The following ADAM19 variants were observed in gnomAD, a reference collection of about 807,000 sequenced individuals.
ADAM19 encodes disintegrin and metalloproteinase domain-containing protein 19.
In ADAM19, 65 loss-of-function variants were observed where a neutral mutation model predicts 114.7. The observed-to-expected ratio is 0.57, with a 90% CI of 0.46 to 0.70. ADAM19 has a LOEUF of 0.70. ADAM19 is among the 30% of genes least tolerant of loss of function. The pLI is 0.00. For synonymous variants in ADAM19, 466 were observed against 460.5 expected (o/e 1.01, Z -0.15); for missense variants, 1,063 against 1,204.7 (o/e 0.88, Z 1.74).
intron 3 of ADAM19, among the ~76,000 whole-genome samples, chr5:157,545,522 C>T (rs1757024873): frequency 6.6e-6 from 1 of 152,148 alleles, no homozygotes; most frequent in Non-Finnish European, 1.5e-5. Context: ...TCATTCTATG[C>T]GTTGCCCCAT....
At chr5:157,490,124 AG>A (rs1755098617) in intron 19 of ADAM19, among the ~76,000 whole-genome samples, 185 bp downstream of exon 19, 1 of 152,254 alleles carries the variant, frequency 6.6e-6, no homozygotes. Context: ...GAATCAGTAG[AG>A]TACTTACAAT....
chr5:157,482,475 G>T (rs1389680953), intron 21 of ADAM19, among the ~76,000 whole-genome samples: 1 of 152,154 alleles, frequency 6.6e-6, no homozygotes, highest in Non-Finnish European at 1.5e-5. Context: ...TGAAGTCTTT[G>T]CCCATGCCTA....
chr5:157,531,467 G>T (rs1298711507), intron 4 of ADAM19, among the ~76,000 whole-genome samples: 1 of 152,148 alleles, frequency 6.6e-6, no homozygotes, highest in Non-Finnish European at 1.5e-5. Context: ...AGGAGTTCCA[G>T]ACCGCCCTGG....
chr5:157,498,601 C>T (rs1370984538), intron 13 of ADAM19, among the ~76,000 whole-genome samples: 1 of 151,850 alleles, frequency 6.6e-6, no homozygotes, highest in Non-Finnish European at 1.5e-5. Flanking sequence ...AGATGGGGTT[C>T]AGGCTTTTCA....
At chr5:157,483,310 G>T (rs1754820782) in intron 21 of ADAM19, among the ~76,000 whole-genome samples, 2 of 152,148 alleles carry the variant, frequency 1.3e-5, no homozygotes, top group Non-Finnish European at 2.9e-5. Context: ...GAAACTGCAA[G>T]GTTGTTCCTT....
intron 4 of ADAM19, among the ~76,000 whole-genome samples, chr5:157,534,093 G>A (rs1450971138): frequency 6.6e-6 from 1 of 152,132 alleles, no homozygotes; most frequent in African/African-American, 2.4e-5. Flanking sequence ...AGAGCACCTG[G>A]CTTCTGTAGC....
chr5:157,514,330 CTTT>C (rs918566617), intron 7 of ADAM19, among the ~76,000 whole-genome samples: 6 of 142,740 alleles, frequency 4.2e-5, no homozygotes, highest in African/African-American at 5.1e-5. Context: ...ACATTTCTTT[CTTT>C]TTTTTTTTTT....
At position 157,488,339 on chromosome 5, in the gene ADAM19, CTATT is replaced by C. The variant is rs1392183167; in HGVS notation, c.2472_2475del (p.Ile825ArgfsTer88). ...GGCCTCCTGGACGACTCCGTCCTCT[CTATT>C]TGAGACCCGGGCCCTGGGGAGTTCC... On this transcript the variant is annotated frameshift_variant, in exon 21 of 23. Coordinates refer to ENST00000257527, the MANE Select transcript of ADAM19 (RefSeq NM_033274.5). LOFTEE classifies it high-confidence loss of function. 3.1e-6 allele frequency: 5 copies of C among 1,614,116 alleles called. No individual in the cohort carries two copies. Among genetic ancestry groups the C allele is most frequent in the Non-Finnish European group, 4.2e-6 (5 of 1,180,040 alleles).
intron 15 of ADAM19, 133 bp downstream of exon 15, chr5:157,494,554 T>G: frequency 3.0e-6 from 2 of 663,756 alleles, no homozygotes; most frequent in Admixed American, 5.5e-5. Flanking sequence ...CGAGAATAGA[T>G]GACTGACTTC....
At chr5:157,505,890 G>T in intron 10 of ADAM19, 82 bp from the exon 11 acceptor site, 2 of 1,466,956 alleles carry the variant, frequency 1.4e-6, no homozygotes, top group Non-Finnish European at 1.8e-6. Context: ...CCTTAGCCAA[G>T]TCTTGCAGGT....
At chr5:157,556,209 CTTTTTT>C (rs68078503) in intron 3 of ADAM19, among the ~76,000 whole-genome samples, 12 of 66,320 alleles carry the variant, frequency 1.8e-4, no homozygotes, top group Admixed American at 1.2e-3. Flanking sequence ...TTTTCTTTTT[CTTTTTT>C]TTTTTTTTTT....
At chr5:157,489,311 G>A (rs1161823644) in intron 19 of ADAM19, 125 bp from the exon 20 acceptor site, 1 of 705,518 alleles carries the variant, frequency 1.4e-6, no homozygotes, top group Non-Finnish European at 2.6e-6. Flanking sequence ...TGCTCTGGAG[G>A]GAGTGGGATT....
intron 1 of ADAM19, among the ~76,000 whole-genome samples, chr5:157,574,531 G>A (rs1450296635): frequency 1.3e-5 from 2 of 152,078 alleles, no homozygotes; most frequent in African/African-American, 2.4e-5. Context: ...GAGGCGGCCC[G>A]GGGGTCCAGC....
intron 8 of ADAM19, among the ~76,000 whole-genome samples, chr5:157,510,708 T>C (rs2113728195): frequency 6.6e-6 from 1 of 152,362 alleles, no homozygotes; most frequent in South Asian, 2.1e-4. Flanking sequence ...GATGTATCCA[T>C]GTGTTAGAGT....
intron 7 of ADAM19, among the ~76,000 whole-genome samples, chr5:157,517,191 C>A (rs11134789): frequency 0.42 from 63,129 of 151,984 alleles, 14,134 homozygotes; most frequent in African/African-American, 0.58. Flanking sequence ...GCTCTCCCCA[C>A]CACCAGGCCC....
intron 12 of ADAM19, among the ~76,000 whole-genome samples, chr5:157,501,007 C>T (rs1755546568): frequency 6.6e-6 from 1 of 152,098 alleles, no homozygotes; most frequent in South Asian, 2.1e-4. Context: ...CTGCCTGAGG[C>T]CTACCTCATG....
At chr5:157,505,470 AC>A (rs773473984) in intron 11 of ADAM19, among the ~76,000 whole-genome samples, 198 bp downstream of exon 11, 1 of 152,156 alleles carries the variant, frequency 6.6e-6, no homozygotes, top group Non-Finnish European at 1.5e-5. Context: ...CCAGCACCAA[AC>A]CTCCTGCTGG....
In ADAM19 at chr5:157,524,482, T is replaced by C. The variant is rs572361257; in HGVS notation, c.408-4451A>G. ...TCACCAAATGCATTCTTCAAGGAAC[T>C]AGGCCAACAACTGCTTCCTGGGGAC... On this transcript the variant is annotated intron_variant, in intron 5 of 22. Coordinates refer to ENST00000257527, the MANE Select transcript of ADAM19 (RefSeq NM_033274.5). 2.6e-5 allele frequency among the ~76,000 whole-genome samples: 4 copies of C among 152,360 alleles called. No homozygotes were observed. The East Asian group carries it at 7.7e-4, about 29-fold the overall frequency.
chr5:157,559,457 C>T (rs1396688877), intron 3 of ADAM19, among the ~76,000 whole-genome samples: 1 of 152,202 alleles, frequency 6.6e-6, no homozygotes. Flanking sequence ...AGTGATCCTG[C>T]TCACTAGTAA....
Sources: gnomAD v4.1 joint callset for allele counts (sites outside exome capture counted in the v4.1 genomes callset) on GRCh38, gnomAD v4.1.1 for gene constraint, MANE v1.5 for transcripts, NCBI Gene and HGNC (gene_info 2026-07-23, HGNC 2026-07-21) for gene names.